NR5A2: variants seen among roughly 807,000 people sequenced by gnomAD.
NR5A2 encodes the protein nuclear receptor subfamily 5 group A member 2.
Under a neutral mutation model 62.7 loss-of-function variants are expected in NR5A2, and 26 were observed. The observed-to-expected ratio is 0.41, with a 90% CI of 0.30 to 0.58. NR5A2 has a LOEUF of 0.58. Among genes scored for constraint, NR5A2 ranks in the 20% least tolerant of loss-of-function variants. The pLI is 0.22. For missense variants in NR5A2, 541 were observed against 669.1 expected (o/e 0.81, Z 2.11); for synonymous variants, 246 against 241.7 (o/e 1.02, Z -0.16).
intron 5 of NR5A2, among the ~76,000 whole-genome samples, chr1:200,093,583 A>G (rs1664919319): frequency 6.6e-6 from 1 of 152,246 alleles, no homozygotes; most frequent in Non-Finnish European, 1.5e-5. Flanking sequence ...AGCAGCCTCC[A>G]AAGCCGCCAA....
chr1:200,114,869 C>A (rs1266027932), intron 6 of NR5A2, among the ~76,000 whole-genome samples: 2 of 152,164 alleles, frequency 1.3e-5, no homozygotes, highest in Admixed American at 6.6e-5. Context: ...GTGTTCTTTA[C>A]CAACATGCCA....
chr1:200,120,257 C>T (rs1406161848), intron 6 of NR5A2, among the ~76,000 whole-genome samples: 3 of 152,060 alleles, frequency 2.0e-5, no homozygotes, highest in Non-Finnish European at 4.4e-5. Flanking sequence ...ATATATCTGC[C>T]TTTATTTTCC....
At chr1:200,027,984 G>T (rs187405352) in intron 1 of NR5A2, 73 bp downstream of exon 1, 55 of 1,109,598 alleles carry the variant, frequency 5.0e-5, no homozygotes, top group Admixed American at 7.5e-5. Flanking sequence ...CTTGTTGATG[G>T]ATTTTGCATT....
chr1:200,087,048 A>G (rs1312455407), intron 5 of NR5A2, among the ~76,000 whole-genome samples: 1 of 152,132 alleles, frequency 6.6e-6, no homozygotes, highest in Non-Finnish European at 1.5e-5. Flanking sequence ...AAATAAAAAT[A>G]AAAAATTGGG....
At chr1:200,116,864 GAAGTGGGGT>G (rs1666244076) in intron 6 of NR5A2, among the ~76,000 whole-genome samples, 1 of 152,136 alleles carries the variant, frequency 6.6e-6, no homozygotes, top group Non-Finnish European at 1.5e-5. Flanking sequence ...AATGTACTTT[GAAGTGGGGT>G]CAGGTTTTAG....
intron 6 of NR5A2, among the ~76,000 whole-genome samples, chr1:200,114,117 A>G (rs1305741575): frequency 6.6e-6 from 1 of 152,126 alleles, no homozygotes; most frequent in Non-Finnish European, 1.5e-5. Context: ...CGGGAGGCAG[A>G]GGCTACAGTG....
At chr1:200,146,503 C>T (rs1667700528) in intron 7 of NR5A2, among the ~76,000 whole-genome samples, 1 of 152,276 alleles carries the variant, frequency 6.6e-6, no homozygotes, top group Middle Eastern at 3.4e-3. Context: ...ACCTGGAATT[C>T]TTTATCTCTG....
At chr1:200,046,236 C>T (rs1156370168) in intron 4 of NR5A2, among the ~76,000 whole-genome samples, 2 of 152,146 alleles carry the variant, frequency 1.3e-5, no homozygotes, top group East Asian at 3.8e-4. Context: ...AAGAAAGTGG[C>T]TCCTGAAAAG....
In NR5A2 at chr1:200,173,882, T is replaced by C. The variant is rs571309112; in HGVS notation, c.1379-81T>C. 1.2e-5 allele frequency: 16 copies of C among 1,321,210 alleles called. No individual in the cohort carries two copies. The African/African-American group carries it at 2.1e-4, about 17-fold the overall frequency. The allele number at this position is 1,321,210 out of a possible 1,614,324, so 81.8% of individuals were successfully genotyped here. On this transcript the variant is annotated intron_variant, in intron 7 of 7. Transcript: ENST00000367362. ...TTATGTCAAAAGGAAAATACATCCATTAATTGAACACATTGCTTTAGTAAA... is the reference window on the plus strand; with the variant it reads ...TTATGTCAAAAGGAAAATACATCCACTAATTGAACACATTGCTTTAGTAAA...
intron 1 of NR5A2, chr1:200,038,836 C>T (rs1345882524): frequency 1.8e-6 from 2 of 1,125,966 alleles, no homozygotes; most frequent in Admixed American, 5.5e-5. Context: ...GGGGGTGAGG[C>T]GGGGTGAAGA....
At chr1:200,058,794 T>G in intron 5 of NR5A2, among the ~76,000 whole-genome samples, 1 of 144,822 alleles carries the variant, frequency 6.9e-6, no homozygotes, top group African/African-American at 2.7e-5. Flanking sequence ...TTGTTTTTTG[T>G]TTTTGTTTTT....
At chr1:200,057,185 G>C (rs1407989118) in intron 5 of NR5A2, among the ~76,000 whole-genome samples, 1 of 152,174 alleles carries the variant, frequency 6.6e-6, no homozygotes, top group Non-Finnish European at 1.5e-5. Flanking sequence ...AAATGGTACA[G>C]ACGTGAGCAT....
chr1:200,029,544 G>T lies in NR5A2; in HGVS notation c.64+1633G>T, dbSNP rs1294035905. ...CTGCAGCTCTGGAATCGGTCCCACC[G>T]CAGAGGGCTGGGAACCGGAGGACTG... On this transcript the variant is annotated intron_variant, in intron 1 of 7. Coordinates refer to ENST00000367362, the MANE Select transcript of NR5A2 (RefSeq NM_205860.3). The T allele has an allele frequency of 3.9e-5, 6 of 152,696 alleles. No individual in the cohort carries two copies. In the East Asian group the frequency reaches 1.2e-3, roughly 30 times the overall value. 9.5% of individuals were successfully genotyped at this position (152,696 alleles called of 1,614,324 possible). A position where few individuals can be genotyped will look rare whatever the true frequency, so the allele number is the denominator to read the frequency against.
chr1:200,146,309 G>A (rs548107026), intron 7 of NR5A2, among the ~76,000 whole-genome samples: 1 of 152,170 alleles, frequency 6.6e-6, no homozygotes, highest in African/African-American at 2.4e-5. Context: ...ATATAAAGAA[G>A]AAATAATGAT....
In NR5A2 at chr1:200,054,225, A is replaced by G. The variant is rs548219496; in HGVS notation, c.1110+5407A>G. ...CCACTAATAAAATTTTCTGATCTTT[A>G]AACCAAATCTGTTGAGTGACCTATG... On this transcript the variant is annotated intron_variant, in intron 5 of 7. Transcript: ENST00000367362. 7 of 152,330 alleles carry G rather than the reference A, an allele frequency of 4.6e-5. No homozygotes were observed. In the South Asian group the frequency reaches 1.5e-3, roughly 32 times the overall value. 9.4% of individuals were successfully genotyped at this position (152,330 alleles called of 1,614,324 possible). A position where few individuals can be genotyped will look rare whatever the true frequency, so the allele number is the denominator to read the frequency against.
intron 7 of NR5A2, among the ~76,000 whole-genome samples, chr1:200,150,041 A>AATGGATGGATGG (rs3838435): frequency 2.0e-5 from 3 of 151,990 alleles, no homozygotes; most frequent in African/African-American, 7.3e-5. Flanking sequence ...AGCAGCATAT[A>AATGGATGGATGG]ATGGATGGAT....
chr1:200,110,168 C>T (rs1364845023), intron 5 of NR5A2, among the ~76,000 whole-genome samples: 1 of 152,166 alleles, frequency 6.6e-6, no homozygotes, highest in Non-Finnish European at 1.5e-5. Flanking sequence ...TTTTGCATGT[C>T]AAATCTAAAA....
At chr1:200,119,101 G>T (rs1464671341) in intron 6 of NR5A2, among the ~76,000 whole-genome samples, 1 of 152,114 alleles carries the variant, frequency 6.6e-6, no homozygotes, top group Non-Finnish European at 1.5e-5. Flanking sequence ...ACCTTTGGGG[G>T]TCATCTTTCC....
intron 5 of NR5A2, among the ~76,000 whole-genome samples, chr1:200,068,442 C>T (rs892842574): frequency 8.6e-5 from 13 of 152,044 alleles, no homozygotes; most frequent in African/African-American, 3.1e-4. Context: ...TAATTTACTT[C>T]TAGTCATTTG....
Sources: allele counts gnomAD v4.1 joint callset (sites outside exome capture counted in the v4.1 genomes callset), GRCh38; gene constraint gnomAD v4.1.1; transcripts MANE v1.5; gene names NCBI Gene and HGNC (gene_info 2026-07-23, HGNC 2026-07-21).